COBL: variants seen among roughly 807,000 people sequenced by gnomAD.
The protein encoded by COBL is cordon-bleu WH2 repeat protein.
Under a neutral mutation model 98.8 loss-of-function variants are expected in COBL, and 51 were observed. That is an observed-to-expected ratio of 0.52 (90% CI 0.41 to 0.65). COBL has a LOEUF of 0.65. COBL is among the 30% of genes least tolerant of loss of function. The pLI is 0.00. For synonymous variants in COBL, 634 were observed against 651.7 expected (o/e 0.97, Z 0.41); for missense variants, 1,617 against 1,617.5 (o/e 1.00, Z 0.01).
intron 6 of COBL, among the ~76,000 whole-genome samples, chr7:51,128,771 GGC>G (rs1798464986): frequency 6.6e-6 from 1 of 152,210 alleles, no homozygotes; most frequent in Admixed American, 6.5e-5. Context: ...CATGTGCTCT[GGC>G]CCTCCTAAGG....
rs574432165 is a variant in COBL, at chr7:51,125,183, A to G, written c.957+10975T>C. ...GACTATATTTGGAGATGGGGCCTCT[A>G]AAGAAGTAACTAAATTAAAATGAGG... On this transcript the variant is annotated intron_variant, in intron 6 of 12. Transcript: ENST00000265136. Among the ~76,000 whole-genome samples, 5 of 152,342 alleles carry G rather than the reference A, an allele frequency of 3.3e-5. No homozygotes were observed. In the South Asian group the frequency reaches 1.0e-3, roughly 32 times the overall value.
chr7:51,184,794 G>A (rs1050445863), intron 4 of COBL, among the ~76,000 whole-genome samples: 2 of 152,178 alleles, frequency 1.3e-5, no homozygotes, highest in Non-Finnish European at 2.9e-5. Context: ...CTAAGACTGC[G>A]ACATCAGTGC....
rs75288685 is a variant in COBL at position 51,045,920 on chromosome 7, A to G, written c.1097-2228T>C. Among the ~76,000 whole-genome samples the G allele has an allele frequency of 1.1e-3, 163 of 152,312 alleles. 3 individuals are homozygous for G. In the East Asian group the frequency reaches 0.024, roughly 23 times the overall value. On this transcript the variant is annotated intron_variant, in intron 7 of 12. Coordinates refer to ENST00000265136, the MANE Select transcript of COBL (RefSeq NM_015198.5). ...CACGTGTTAAACCATTTACAAAATG[A>G]CTAATGCGAGTGCTATTACCAGAGC...
chr7:51,163,115 T>C (rs1477890769), intron 5 of COBL, among the ~76,000 whole-genome samples: 4 of 152,146 alleles, frequency 2.6e-5, no homozygotes. Context: ...TCCCTTAAAA[T>C]AGAGGACATT....
At chr7:51,219,170 A>T (rs1204938167) in intron 2 of COBL, among the ~76,000 whole-genome samples, 2 of 152,240 alleles carry the variant, frequency 1.3e-5, no homozygotes, top group Non-Finnish European at 2.9e-5. Flanking sequence ...CGGGCAGATC[A>T]GTCCTGAGAA....
intron 6 of COBL, among the ~76,000 whole-genome samples, chr7:51,132,357 G>T (rs1798823307): frequency 6.6e-6 from 1 of 152,232 alleles, no homozygotes; most frequent in Admixed American, 6.5e-5. Context: ...GCCAAGCTGG[G>T]ATCGGAACCC....
intron 5 of COBL, among the ~76,000 whole-genome samples, chr7:51,155,728 G>T (rs1270958735): frequency 6.6e-6 from 1 of 150,996 alleles, no homozygotes; most frequent in African/African-American, 2.4e-5. Context: ...GGTAGTGTGT[G>T]TTAAACAGAG....
At chr7:51,272,211 C>T (rs546628505) in intron 1 of COBL, among the ~76,000 whole-genome samples, 1 of 152,306 alleles carries the variant, frequency 6.6e-6, no homozygotes, top group East Asian at 1.9e-4. Context: ...TCTACTATTG[C>T]ATGCTTCAGT....
chr7:51,151,623 CG>C (rs1785571708), intron 5 of COBL, among the ~76,000 whole-genome samples: 1 of 152,182 alleles, frequency 6.6e-6, no homozygotes, highest in Non-Finnish European at 1.5e-5. Flanking sequence ...CAAAGAGAGG[CG>C]GAATAAACAT....
chr7:51,220,798 G>A (rs535120062), intron 1 of COBL, among the ~76,000 whole-genome samples: 9 of 152,066 alleles, frequency 5.9e-5, no homozygotes, highest in South Asian at 4.2e-4. Flanking sequence ...CCCACCTTCC[G>A]CCCTCAAGTA....
chr7:51,194,986 T>C (rs983459931), intron 2 of COBL, among the ~76,000 whole-genome samples: 33 of 152,208 alleles, frequency 2.2e-4, no homozygotes, highest in Non-Finnish European at 8.8e-5. Context: ...ACTCTGTTGA[T>C]AGTTTCTTTT....
At chr7:51,069,904 A>G (rs1341699586) in intron 7 of COBL, among the ~76,000 whole-genome samples, 3 of 152,188 alleles carry the variant, frequency 2.0e-5, no homozygotes, top group Non-Finnish European at 4.4e-5. Context: ...TAGCAGATTT[A>G]TCAACCAGGA....
At chr7:51,172,522 C>T in intron 5 of COBL, 2 of 1,287,650 alleles carry the variant, frequency 1.6e-6, no homozygotes, top group Non-Finnish European at 1.0e-6. Flanking sequence ...ACAGCACGAG[C>T]TGCTCAGCCT....
intron 1 of COBL, among the ~76,000 whole-genome samples, chr7:51,236,007 CATA>C (rs773996262): frequency 2.6e-5 from 4 of 152,120 alleles, no homozygotes; most frequent in Non-Finnish European, 4.4e-5. Flanking sequence ...GGAAAAAAAA[CATA>C]ATGTTTTCAA....
At chr7:51,024,188 A>G (rs1787251842) in intron 12 of COBL, among the ~76,000 whole-genome samples, 2 of 152,084 alleles carry the variant, frequency 1.3e-5, no homozygotes, top group African/African-American at 2.4e-5. Flanking sequence ...GGGCGCCTGT[A>G]GTCCCAGCTA....
At chr7:51,042,723 C>T (rs2128888253) in intron 8 of COBL, among the ~76,000 whole-genome samples, 1 of 152,194 alleles carries the variant, frequency 6.6e-6, no homozygotes, top group South Asian at 2.1e-4. Flanking sequence ...CAATATAAGG[C>T]CCAAATTGCT....
At chr7:51,313,114 CG>C (rs1422999672) in intron 1 of COBL, among the ~76,000 whole-genome samples, 1 of 152,036 alleles carries the variant, frequency 6.6e-6, no homozygotes, top group African/African-American at 2.4e-5. Context: ...TCAAATCTAA[CG>C]GGAAAAGTTT....
intron 1 of COBL, among the ~76,000 whole-genome samples, chr7:51,294,488 AT>A (rs540468663): frequency 0.019 from 2,794 of 150,260 alleles, 79 homozygotes; most frequent in African/African-American, 0.064. Flanking sequence ...CAAAAAAAAA[AT>A]AAAAGTAGCT....
At chr7:51,096,146 T>A (rs1339094104) in intron 6 of COBL, among the ~76,000 whole-genome samples, 1 of 152,240 alleles carries the variant, frequency 6.6e-6, no homozygotes, top group South Asian at 2.1e-4. Context: ...ATTAAAAATA[T>A]GAAAATCATA....
Sources: allele counts gnomAD v4.1 joint callset (sites outside exome capture counted in the v4.1 genomes callset), GRCh38; gene constraint gnomAD v4.1.1; transcripts MANE v1.5; gene names NCBI Gene and HGNC (gene_info 2026-07-23, HGNC 2026-07-21).